Variants in WDPCP observed in about 807,000 individuals in gnomAD.
The protein encoded by WDPCP is WD repeat containing planar cell polarity effector.
WDPCP carries 71 observed loss-of-function variants against 93.1 expected under a neutral mutation model. That is an observed-to-expected ratio of 0.76 (90% CI 0.63 to 0.93). The LOEUF is 0.93. Among genes scored for constraint, WDPCP ranks in the 40% least tolerant of loss-of-function variants. The pLI, the probability that WDPCP is intolerant of heterozygous loss-of-function variation, is 0.00. For synonymous variants in WDPCP, 315 were observed against 315.0 expected (o/e 1.00, Z 0.00); for missense variants, 844 against 887.4 (o/e 0.95, Z 0.62).
At chr2:63,730,716 A>C (rs1486914944) in intron 2 of WDPCP, among the ~76,000 whole-genome samples, 1 of 152,190 alleles carries the variant, frequency 6.6e-6, no homozygotes, top group Non-Finnish European at 1.5e-5. Flanking sequence ...TTCAAGAGCA[A>C]GAAAAGGTAC....
At position 63,346,014 on chromosome 2, in the gene WDPCP, C is replaced by T. The variant is rs548633262; in HGVS notation, c.1748+32372G>A. ...CTATGTGCCAGCAAAAATAGGGGAG[C>T]ACCTCTCGGATTGGATTAAGAGGAT... On this transcript the variant is annotated intron_variant, in intron 12 of 17. Transcript: ENST00000272321. Among the ~76,000 whole-genome samples, 13 of 152,248 alleles carry T rather than the reference C, an allele frequency of 8.5e-5. 2 individuals are homozygous for T. The South Asian group carries it at 2.7e-3, about 32-fold the overall frequency.
intron 2 of WDPCP, among the ~76,000 whole-genome samples, chr2:63,707,900 CCT>C (rs1442965585): frequency 6.6e-6 from 1 of 152,106 alleles, no homozygotes; most frequent in Non-Finnish European, 1.5e-5. Flanking sequence ...CACTCCAGAC[CCT>C]GTTTGCCTGG....
intron 3 of WDPCP, chr2:63,594,825 C>A: frequency 2.6e-6 from 1 of 380,332 alleles, no homozygotes; most frequent in Non-Finnish European, 4.8e-6. Flanking sequence ...CTTGGTGCAA[C>A]CAGCAGGTGT....
chr2:63,535,882 AGCTTCT>A (rs1241714751), intron 1 of WDPCP, among the ~76,000 whole-genome samples: 3 of 152,206 alleles, frequency 2.0e-5, no homozygotes, highest in African/African-American at 7.2e-5. Flanking sequence ...TAAACTAAAG[AGCTTCT>A]GCACAGCAAA....
At chr2:63,580,016 A>G (rs1408696004) in intron 1 of WDPCP, among the ~76,000 whole-genome samples, 1 of 152,100 alleles carries the variant, frequency 6.6e-6, no homozygotes, top group African/African-American at 2.4e-5. Context: ...CTTGCTTGCC[A>G]TGTGGTGACT....
chr2:63,397,594 A>C (rs1310433262), intron 10 of WDPCP, among the ~76,000 whole-genome samples: 2 of 152,208 alleles, frequency 1.3e-5, no homozygotes, highest in African/African-American at 2.4e-5. Context: ...GAAGAGCATA[A>C]AAATGTGATA....
chr2:63,644,358 C>T (rs1473989892), intron 3 of WDPCP, among the ~76,000 whole-genome samples: 2 of 151,650 alleles, frequency 1.3e-5, no homozygotes, highest in Admixed American at 6.6e-5. Flanking sequence ...AATTCTCTGC[C>T]TCAGGTTCCC....
At chr2:63,391,134 A>C (rs1328166152) in intron 10 of WDPCP, among the ~76,000 whole-genome samples, 1 of 152,234 alleles carries the variant, frequency 6.6e-6, no homozygotes, top group Non-Finnish European at 1.5e-5. Context: ...CGAAGCAAAA[A>C]TCCTCAATAA....
intron 13 of WDPCP, among the ~76,000 whole-genome samples, chr2:63,291,816 AAAAAAG>A (rs943722737): frequency 7.3e-5 from 11 of 151,366 alleles, no homozygotes; most frequent in South Asian, 2.1e-4. Context: ...TACAAAAAAA[AAAAAAG>A]AAAAGAAAAG....
intron 17 of WDPCP, among the ~76,000 whole-genome samples, chr2:63,151,617 G>A (rs1574737470): frequency 6.6e-6 from 1 of 151,968 alleles, no homozygotes; most frequent in South Asian, 2.1e-4. Flanking sequence ...TGAAGCTTTC[G>A]CAAATTAAAC....
At position 63,404,645 on chromosome 2, in the gene WDPCP, C is replaced by G. The variant is rs985656097; in HGVS notation, c.838G>C (p.Val280Leu). ...AQGRLEVLSS[V>L]RTEWDPLDVR... is the part of the protein sequence containing the mutation. Reference sequence around the variant, plus strand: ...TCCAGTGGGTCCCATTCTGTGCGGACAGAACTCAGAACCTGTTAAGAAATA... The same window carrying G: ...TCCAGTGGGTCCCATTCTGTGCGGAGAGAACTCAGAACCTGTTAAGAAATA... The change falls in exon 10 of 18, where the codon GTC becomes CTC. Residue 280 changes from valine to leucine, a missense_variant. Coordinates refer to ENST00000272321, the MANE Select transcript of WDPCP (RefSeq NM_015910.7). 1.9e-6 allele frequency: 3 copies of G among 1,613,922 alleles called. No individual in the cohort carries two copies. Among genetic ancestry groups the G allele is most frequent in the Non-Finnish European group, 2.5e-6 (3 of 1,179,966 alleles).
At position 63,768,339 on chromosome 2, in the gene WDPCP, C is replaced by CTT. The variant is rs575874605; in HGVS notation, n.308+45281_308+45282dup. On this transcript the variant is annotated intron_variant and non_coding_transcript_variant, in intron 2 of 4. Transcript: ENST00000467687. ...CAGTATAAGTGTGCCATTTTTGTTC[C>CTT]TTTTTTTTTTTTTTCCAAATTGTTT... 4.0e-3 allele frequency among the ~76,000 whole-genome samples: 554 copies of CTT among 137,464 alleles called. 2 individuals are homozygous for CTT. The highest frequency in any genetic ancestry group is 0.014 in the African/African-American group (513 of 37,762). The allele number at this position is 137,464 out of a possible 152,430, so 90.2% of individuals were successfully genotyped here.
chr2:63,588,986 A>T, upstream of WDPCP: 1 of 1,613,866 alleles, frequency 6.2e-7, no homozygotes, highest in Non-Finnish European at 8.5e-7. Flanking sequence ...GGTAGAGGTG[A>T]CCTGACTCTC....
intron 3 of WDPCP, among the ~76,000 whole-genome samples, chr2:63,612,678 A>G (rs1709625861): frequency 6.6e-6 from 1 of 152,110 alleles, no homozygotes; most frequent in Non-Finnish European, 1.5e-5. Context: ...TCACATCTAA[A>G]TGGGCTGGTT....
chr2:63,327,817 G>A (rs187355235), intron 12 of WDPCP, among the ~76,000 whole-genome samples: 253 of 152,092 alleles, frequency 1.7e-3, no homozygotes, highest in Middle Eastern at 6.8e-3. Flanking sequence ...CTCTAGAATC[G>A]AGGCCATCAA....
At chr2:63,601,521 A>G (rs913625390) in intron 3 of WDPCP, among the ~76,000 whole-genome samples, 2 of 152,260 alleles carry the variant, frequency 1.3e-5, no homozygotes, top group African/African-American at 4.8e-5. Context: ...CCTATGTGAC[A>G]GACATGAGTG....
At chr2:63,544,885 T>G (rs1384337998) in intron 1 of WDPCP, among the ~76,000 whole-genome samples, 1 of 152,192 alleles carries the variant, frequency 6.6e-6, no homozygotes, top group East Asian at 1.9e-4. Context: ...TGAGACTTAT[T>G]TAATAATGTA....
At chr2:63,391,005 A>G (rs1693191994) in intron 10 of WDPCP, among the ~76,000 whole-genome samples, 1 of 152,176 alleles carries the variant, frequency 6.6e-6, no homozygotes, top group African/African-American at 2.4e-5. Context: ...ATTCCAATCA[A>G]TAGAAAAAGA....
At chr2:63,521,100 C>G (rs965559708) in intron 1 of WDPCP, among the ~76,000 whole-genome samples, 1 of 152,258 alleles carries the variant, frequency 6.6e-6, no homozygotes, top group Admixed American at 6.5e-5. Context: ...CCAGCCACTA[C>G]AAAACCACAT....
Sources: gnomAD v4.1 joint callset for allele counts (sites outside exome capture counted in the v4.1 genomes callset) on GRCh38, gnomAD v4.1.1 for gene constraint, MANE v1.5 for transcripts, NCBI Gene and HGNC (gene_info 2026-07-23, HGNC 2026-07-21) for gene names.